The following AKR1E2 variants were observed in gnomAD, a reference collection of about 807,000 sequenced individuals.
AKR1E2 encodes 1,5-anhydro-D-fructose reductase.
In AKR1E2, 43 loss-of-function variants were observed where a neutral mutation model predicts 41.9. That is an observed-to-expected ratio of 1.03 (90% CI 0.80 to 1.32). The LOEUF (loss-of-function observed/expected upper bound fraction) is 1.32, where lower values mean the gene tolerates loss of function less well. AKR1E2 is among the 40% of genes most tolerant of loss of function. The pLI, the probability that AKR1E2 is intolerant of heterozygous loss-of-function variation, is 0.00. For missense variants in AKR1E2, 423 were observed against 396.5 expected (o/e 1.07, Z -0.57); for synonymous variants, 121 against 138.9 (o/e 0.87, Z 0.91).
intron 9 of AKR1E2, 28 bp from the exon 10 acceptor site, chr10:4,847,460 A>AT: frequency 6.2e-7 from 1 of 1,608,320 alleles, no homozygotes; most frequent in Non-Finnish European, 8.5e-7. Flanking sequence ...CTTTGTTCCT[A>AT]TTTTTGATTT....
the AKR1E2 span, among the ~76,000 whole-genome samples, chr10:4,857,596 A>G: frequency 1.4e-4 from 22 of 152,336 alleles, no homozygotes; most frequent in African/African-American, 5.1e-4. Context: ...ACCCAGTCTC[A>G]GGTATTTCTT....
chr10:4,826,396 A>G, intron 1 of AKR1E2, 33 bp downstream of exon 1: 1 of 1,232,198 alleles, frequency 8.1e-7, no homozygotes, highest in Non-Finnish European at 1.0e-6. Context: ...GGCGCGCCTG[A>G]CCTAGGGGAG....
In AKR1E2 at chr10:4,843,337, C is replaced by T. The variant is rs188821249; in HGVS notation, c.837+833C>T. Among the ~76,000 whole-genome samples the T allele has an allele frequency of 5.3e-5, 8 of 152,242 alleles. No homozygotes were observed. The East Asian group carries it at 1.2e-3, about 22-fold the overall frequency. ...AGTGAAGGGATAGCATAGTGCCTGG[C>T]GTATGGAAGTACCTGATGCTCTTAG... On this transcript the variant is annotated intron_variant, in intron 8 of 9. Coordinates refer to ENST00000298375, the MANE Select transcript of AKR1E2 (RefSeq NM_001040177.3).
At chr10:4,861,427 A>G in the AKR1E2 span, among the ~76,000 whole-genome samples, 1 of 151,630 alleles carries the variant, frequency 6.6e-6, no homozygotes, top group Non-Finnish European at 1.5e-5. Context: ...ATGGAGTGCA[A>G]TGGCGTGATC....
chr10:4,833,388 A>G lies in AKR1E2; in HGVS notation c.246A>G (p.Thr82=). The G allele has an allele frequency of 6.2e-7, 1 of 1,614,198 alleles. No individual in the cohort carries two copies. The highest frequency in any genetic ancestry group is 8.5e-7 in the Non-Finnish European group (1 of 1,180,044). Residue 82 remains threonine (T), a synonymous_variant, in exon 3 of 10, where the codon ACA becomes ACG. Coordinates refer to ENST00000298375, the MANE Select transcript of AKR1E2 (RefSeq NM_001040177.3). ...CTCHKKSLVE[T]ACRKSLKALK... The stretch of plus-strand genomic sequence containing the variant: ...GCCATAAGAAGTCCTTGGTGGAAAC[A>G]GCATGCAGAAAGAGTCTCAAGGCCT...
intron 1 of AKR1E2, among the ~76,000 whole-genome samples, chr10:4,829,178 C>T (rs59597924): frequency 1.3e-5 from 2 of 152,116 alleles, no homozygotes; most frequent in East Asian, 1.9e-4. Flanking sequence ...TTCTTTTCCC[C>T]GACTTACTGG....
Position 4,846,290 on chromosome 10 carries a change from G to A in AKR1E2, c.838-858G>A, listed in dbSNP as rs374256764. ...CGCAAGACAGCCACTCTGCCAGGCC[G>A]GGGTGGATGCTGATGCTGTGGCCAT... is the stretch of plus-strand genomic sequence containing the variant. On this transcript the variant is annotated intron_variant, in intron 8 of 9. Transcript: ENST00000298375. 4.6e-3 allele frequency: 830 copies of A among 180,786 alleles called. 7 individuals carry two copies. Among genetic ancestry groups the A allele is most frequent in the African/African-American group, 0.019 (797 of 42,480 alleles). The allele number at this position is 180,786 out of a possible 1,614,324, so 11.2% of individuals were successfully genotyped here.
intron 3 of AKR1E2, among the ~76,000 whole-genome samples, chr10:4,833,708 T>A (rs1412676817): frequency 6.6e-6 from 1 of 152,214 alleles, no homozygotes; most frequent in Non-Finnish European, 1.5e-5. Flanking sequence ...AGTCGCTTTT[T>A]TTCCAAGCCA....
chr10:4,871,306 G>A, the AKR1E2 span, among the ~76,000 whole-genome samples: 1 of 151,598 alleles, frequency 6.6e-6, no homozygotes, highest in African/African-American at 2.4e-5. Flanking sequence ...TCATCTGGGT[G>A]TACCATCTGT....
At chr10:4,848,783 G>T (rs1309388667), downstream of AKR1E2, among the ~76,000 whole-genome samples, 1 of 152,136 alleles carries the variant, frequency 6.6e-6, no homozygotes, top group African/African-American at 2.4e-5. Flanking sequence ...CAGAGGTGTG[G>T]GTTCTGCAGA....
At chr10:4,866,578 G>A in the AKR1E2 span, among the ~76,000 whole-genome samples, 5 of 152,132 alleles carry the variant, frequency 3.3e-5, no homozygotes, top group African/African-American at 9.6e-5. Flanking sequence ...GCAGGAGACC[G>A]GTGTTTTATT....
intron 1 of AKR1E2, among the ~76,000 whole-genome samples, chr10:4,827,230 T>C (rs1040625948): frequency 1.3e-5 from 2 of 152,128 alleles, no homozygotes; most frequent in African/African-American, 4.8e-5. Context: ...TGCAGCGTAA[T>C]GTTTTGAGCC....
At chr10:4,864,556 AG>A in the AKR1E2 span, among the ~76,000 whole-genome samples, 1 of 148,732 alleles carries the variant, frequency 6.7e-6, no homozygotes, top group South Asian at 2.1e-4. Context: ...GGCACAAGGC[AG>A]GGATGCCCTC....
In AKR1E2 at chr10:4,826,259, G is replaced by C. The variant is rs1832483330; in HGVS notation, c.-66G>C. The C allele has an allele frequency of 8.3e-7, 1 of 1,206,416 alleles. No homozygotes were observed. The highest frequency in any genetic ancestry group is 4.2e-5 in the Admixed American group (1 of 23,612). The allele number at this position is 1,206,416 out of a possible 1,614,324, so 74.7% of individuals were successfully genotyped here. On this transcript the variant is annotated 5_prime_UTR_variant, in exon 1 of 10. Transcript: ENST00000298375. ...ACGGCGGGTCGCCAGCGCCGCAGTA[G>C]CTCGCGCGGTGCCTGTCGGTAGTCG... is the stretch of plus-strand genomic sequence containing the variant.
In AKR1E2 at chr10:4,829,804, T is replaced by G. The variant is rs547973325; in HGVS notation, c.40-871T>G. Among the ~76,000 whole-genome samples, 11 of 152,350 alleles carry G rather than the reference T, an allele frequency of 7.2e-5. No homozygotes were observed. In the South Asian group the frequency reaches 2.3e-3, roughly 32 times the overall value. ...TAAAAAGTTGGCCTCTTCATCAACC[T>G]AGCCAGAAGTCTGTTTATTTTACTG... is the stretch of plus-strand genomic sequence containing the variant. On this transcript the variant is annotated intron_variant, in intron 1 of 9. Transcript: ENST00000298375.
chr10:4,866,249 C>CACAT, the AKR1E2 span, among the ~76,000 whole-genome samples: 1 of 152,180 alleles, frequency 6.6e-6, no homozygotes, highest in Admixed American at 6.5e-5. Flanking sequence ...AATCTAGAGC[C>CACAT]ACATCCACAT....
intron 2 of AKR1E2, 58 bp downstream of exon 2, chr10:4,830,900 C>T: frequency 6.3e-7 from 1 of 1,590,752 alleles, no homozygotes. Flanking sequence ...CTCTGGAGGG[C>T]TTTCTACTTT....
chr10:4,830,128 C>T (rs767570432), intron 1 of AKR1E2, among the ~76,000 whole-genome samples: 1 of 152,116 alleles, frequency 6.6e-6, no homozygotes, highest in Non-Finnish European at 1.5e-5. Flanking sequence ...GACTGCAAAC[C>T]CGCCCACCCC....
At chr10:4,848,964 T>C (rs1239442588), downstream of AKR1E2, among the ~76,000 whole-genome samples, 1 of 152,184 alleles carries the variant, frequency 6.6e-6, no homozygotes, top group Non-Finnish European at 1.5e-5. Flanking sequence ...ACCAGTATCA[T>C]TGCCATTGCC....
Sources: allele counts gnomAD v4.1 joint callset (sites outside exome capture counted in the v4.1 genomes callset), GRCh38; gene constraint gnomAD v4.1.1; transcripts MANE v1.5; gene names NCBI Gene and HGNC (gene_info 2026-07-23, HGNC 2026-07-21).